Variants in ZBTB16 observed in about 807,000 individuals in gnomAD.
The protein encoded by ZBTB16 is zinc finger and BTB domain-containing protein 16.
ZBTB16 carries 8 observed loss-of-function variants against 56.8 expected under a neutral mutation model. The ratio of observed to expected loss-of-function variants is 0.14; its 90% confidence interval spans 0.08 to 0.25. The LOEUF (loss-of-function observed/expected upper bound fraction) is 0.25. Among genes scored for constraint, ZBTB16 ranks in the 10% least tolerant of loss-of-function variants. The probability of loss-of-function intolerance (pLI) is 1.00; values close to 1 mark genes in which losing one functional copy is unlikely to be tolerated. For synonymous variants in ZBTB16, 363 were observed against 368.5 expected, an observed-to-expected ratio of 0.98 and a Z score of 0.17; for missense variants, 625 against 903.0, an observed-to-expected ratio of 0.69 and a Z score of 3.95.
Position 114,254,917 on chromosome 11 carries a change from G to C in ZBTB16, c.*4362G>C, listed in dbSNP as rs962180194. Among the ~76,000 whole-genome samples, 5 of 152,200 alleles carry C rather than the reference G, an allele frequency of 3.3e-5. No homozygotes were observed. The highest frequency in any genetic ancestry group is 1.2e-4 in the African/African-American group (5 of 41,446). ...GGGAAAAGGGTGGGGAGAAAGAGGG[G>C]TGCAGGCCCTGCAGGCCGGTTAGCC... is the stretch of plus-strand genomic sequence containing the variant. On this transcript the variant is annotated 3_prime_UTR_variant, in exon 7 of 7. Coordinates refer to ENST00000335953, the MANE Select transcript of ZBTB16 (RefSeq NM_006006.6).
chr11:114,250,801 TG>T lies in ZBTB16; in HGVS notation c.*250del. 1.8e-6 allele frequency: 1 copy of T among 564,692 alleles called. No individual in the cohort carries two copies. The highest frequency in any genetic ancestry group is 3.2e-6 in the Non-Finnish European group (1 of 316,824). The allele number at this position is 564,692 out of a possible 1,614,324, so 35.0% of individuals were successfully genotyped here. Reference sequence around the variant, plus strand: ...TGGAGGTTTGCCTGATTTTCTGGGATGGGGTTGGGTATTTTGTTCACTCAAA... The same window carrying T: ...TGGAGGTTTGCCTGATTTTCTGGGATGGGTTGGGTATTTTGTTCACTCAAA... On this transcript the variant is annotated 3_prime_UTR_variant, in exon 7 of 7. Coordinates refer to ENST00000335953, the MANE Select transcript of ZBTB16 (RefSeq NM_006006.6). This position sits in a 1 kb window ranked among gnomAD's most constrained non-coding sequence, Gnocchi z 6.0.
rs1938963130 is a variant in ZBTB16, at chr11:114,063,417, G to A, written c.117G>A (p.Met39Ile). Residue 39 changes from methionine (M) to isoleucine (I), a missense_variant, in exon 2 of 7, where the codon ATG becomes ATA. Around this residue, in one of 6 missense-constraint regions of ZBTB16, gnomAD observed 54 missense variants for 159.4 expected, o/e 0.34. Transcript: ENST00000335953. This position sits in a 1 kb window ranked among gnomAD's most constrained non-coding sequence, Gnocchi z 6.5. The stretch of plus-strand genomic sequence containing the variant: ...GGACTTTGTGCGATGTGGTCATCAT[G>A]GTGGACAGCCAGGAGTTCCACGCCC... ...LAGTLCDVVI[M>I]VDSQEFHAHR... is the part of the protein sequence containing the mutation. The A allele has an allele frequency of 6.2e-7, 1 of 1,614,036 alleles. No homozygotes were observed. Among genetic ancestry groups the A allele is most frequent in the Non-Finnish European group, 8.5e-7 (1 of 1,180,042 alleles).
chr11:114,149,910 T>A (rs371695575), intron 2 of ZBTB16, among the ~76,000 whole-genome samples: 2 of 152,308 alleles, frequency 1.3e-5, no homozygotes, highest in South Asian at 2.1e-4. Context: ...TAGGTATCCC[T>A]TTGTCTTAGG....
intron 4 of ZBTB16, among the ~76,000 whole-genome samples, chr11:114,230,638 G>GT (rs1555159037): frequency 2.4e-5 from 3 of 127,654 alleles, no homozygotes; most frequent in African/African-American, 9.4e-5. Context: ...CTGTGGGGGG[G>GT]GGGCGGGAAG....
intron 6 of ZBTB16, among the ~76,000 whole-genome samples, chr11:114,248,678 C>A (rs1181555297): frequency 6.6e-6 from 1 of 152,138 alleles, no homozygotes; most frequent in African/African-American, 2.4e-5. Flanking sequence ...ACAGAAGGAG[C>A]AGTAAGCAGA....
chr11:114,069,148 C>T (rs1019102832), intron 2 of ZBTB16, among the ~76,000 whole-genome samples: 2 of 152,118 alleles, frequency 1.3e-5, no homozygotes, highest in Non-Finnish European at 2.9e-5. Flanking sequence ...TGCAGTGGCG[C>T]GATCTCAGCT....
chr11:114,065,782 A>G (rs1939093713), intron 2 of ZBTB16, among the ~76,000 whole-genome samples: 2 of 152,214 alleles, frequency 1.3e-5, no homozygotes, highest in Admixed American at 1.3e-4. Flanking sequence ...CTAGGGTCAC[A>G]TAGATAGTAA....
intron 2 of ZBTB16, among the ~76,000 whole-genome samples, chr11:114,100,123 A>G (rs1361180402): frequency 2.0e-5 from 3 of 152,208 alleles, no homozygotes; most frequent in Non-Finnish European, 4.4e-5. Flanking sequence ...TGACACTAAT[A>G]TATTCTGAGA....
At position 114,228,014 on chromosome 11, in the gene ZBTB16, A is replaced by G. The variant is rs182646658; in HGVS notation, c.1454-14153A>G. Among the ~76,000 whole-genome samples, 531 of 151,794 alleles carry G rather than the reference A, an allele frequency of 3.5e-3. 2 individuals are homozygous for G. The highest frequency in any genetic ancestry group is 5.4e-3 in the Non-Finnish European group (368 of 67,910). ...GAAACTCCGTACCCATTAAACACCA[A>G]CTCCCCATTCCTTCCCTGACTCCTA... On this transcript the variant is annotated intron_variant, in intron 4 of 6. Coordinates refer to ENST00000335953, the MANE Select transcript of ZBTB16 (RefSeq NM_006006.6).
intron 2 of ZBTB16, among the ~76,000 whole-genome samples, chr11:114,073,053 C>CAAAAAA (rs11349665): frequency 1.4e-5 from 1 of 69,980 alleles, no homozygotes; most frequent in South Asian, 5.4e-4. Flanking sequence ...GAGACTGTCT[C>CAAAAAA]AAAAAAAAAA....
At chr11:114,127,359 G>A (rs533618209) in intron 2 of ZBTB16, among the ~76,000 whole-genome samples, 2 of 152,178 alleles carry the variant, frequency 1.3e-5, no homozygotes, top group East Asian at 1.9e-4. Flanking sequence ...CAGCCCACAC[G>A]GATGGGCCAG....
At position 114,166,684 on chromosome 11, in the gene ZBTB16, G is replaced by A. The variant is rs536478767; in HGVS notation, c.1366+10250G>A. Among the ~76,000 whole-genome samples, 5 of 152,200 alleles carry A rather than the reference G, an allele frequency of 3.3e-5. No individual in the cohort carries two copies. The South Asian group carries it at 1.0e-3, about 32-fold the overall frequency. On this transcript the variant is annotated intron_variant, in intron 3 of 6. Transcript: ENST00000335953. ...TTTACCTTTGAATTTCAACTTCATT[G>A]TTTGTTATTAATTCTCAGATGGTGG...
intron 2 of ZBTB16, among the ~76,000 whole-genome samples, chr11:114,130,944 A>T (rs1238052358): frequency 6.6e-6 from 1 of 152,258 alleles, no homozygotes; most frequent in Non-Finnish European, 1.5e-5. Flanking sequence ...AATGCTTTGC[A>T]AAACAGACTA....
At chr11:114,186,831 C>T in intron 3 of ZBTB16, 121 bp from the exon 4 acceptor site, 1 of 896,300 alleles carries the variant, frequency 1.1e-6, no homozygotes, top group East Asian at 2.5e-5. Flanking sequence ...ATCCCTCACT[C>T]AGGATTTTTG....
chr11:114,097,964 G>C (rs1390451766), intron 2 of ZBTB16, among the ~76,000 whole-genome samples: 2 of 152,126 alleles, frequency 1.3e-5, no homozygotes, highest in Non-Finnish European at 2.9e-5. Context: ...AGATGTTTCT[G>C]CTTTTAGACT....
At chr11:114,140,343 GT>G (rs1157736757) in intron 2 of ZBTB16, among the ~76,000 whole-genome samples, 4 of 152,208 alleles carry the variant, frequency 2.6e-5, no homozygotes, top group African/African-American at 7.2e-5. Context: ...GTAAGTACTG[GT>G]TTCTCTTATA....
At chr11:114,124,563 A>C (rs1426017599) in intron 2 of ZBTB16, among the ~76,000 whole-genome samples, 1 of 150,082 alleles carries the variant, frequency 6.7e-6, no homozygotes, top group South Asian at 2.1e-4. Context: ...AAACCAAAAA[A>C]AAAAAAAAAC....
chr11:114,096,754 T>G (rs1035546216), intron 2 of ZBTB16, among the ~76,000 whole-genome samples: 1 of 152,234 alleles, frequency 6.6e-6, no homozygotes. Context: ...TTTGCGACTG[T>G]GTACCCTTGC....
intron 2 of ZBTB16, among the ~76,000 whole-genome samples, chr11:114,088,261 C>T (rs1292608955): frequency 6.6e-6 from 1 of 151,014 alleles, no homozygotes; most frequent in Non-Finnish European, 1.5e-5. Context: ...TGTGTCTCAG[C>T]CTCCCGAGTA....
Sources: allele counts gnomAD v4.1 joint callset (sites outside exome capture counted in the v4.1 genomes callset), GRCh38; gene constraint gnomAD v4.1.1; regional missense constraint gnomAD v4.1.1; non-coding constraint Gnocchi (gnomAD v3.1); transcripts MANE v1.5; gene names NCBI Gene and HGNC (gene_info 2026-07-23, HGNC 2026-07-21).